The following APPL2 variants were observed in gnomAD, a reference collection of about 807,000 sequenced individuals.
APPL2 encodes adaptor protein, phosphotyrosine interacting with PH domain and leucine zipper 2.
In APPL2, 84 loss-of-function variants were observed where a neutral mutation model predicts 92.7. The observed-to-expected ratio is 0.91, with a 90% CI of 0.76 to 1.09. The LOEUF (loss-of-function observed/expected upper bound fraction) is 1.09, where lower values mean the gene tolerates loss of function less well. APPL2 is among the 50% of genes least tolerant of loss of function. The pLI is 0.00. For synonymous variants in APPL2, 291 were observed against 291.0 expected (o/e 1.00, Z 0.00); for missense variants, 736 against 824.5 (o/e 0.89, Z 1.31).
intron 11 of APPL2, 80 bp downstream of exon 11, chr12:105,197,685 T>C (rs1887781260): frequency 8.4e-6 from 13 of 1,544,748 alleles, no homozygotes; most frequent in East Asian, 2.3e-5. Flanking sequence ...GGCTGGCACA[T>C]AGGAATGAAC....
chr12:105,203,347 C>A, intron 9 of APPL2: 1 of 231,904 alleles, frequency 4.3e-6, no homozygotes. Context: ...TAAATTAATG[C>A]ACTGGTCAGA....
Position 105,189,973 on chromosome 12 carries a change from A to T in APPL2, c.1406+18T>A. 1.9e-6 allele frequency: 3 copies of T among 1,612,750 alleles called. No individual in the cohort carries two copies. Among genetic ancestry groups the T allele is most frequent in the Non-Finnish European group, 2.5e-6 (3 of 1,178,900 alleles). ...TTTACTTTCAGTTCTCCCAGAGATA[A>T]CCTCTCTCAGCCCATACCTGCTCCC... On this transcript the variant is annotated intron_variant, in intron 15 of 20. Transcript: ENST00000258530.
intron 14 of APPL2, among the ~76,000 whole-genome samples, chr12:105,191,656 T>TGTTAA (rs1235234831): frequency 6.6e-6 from 1 of 152,158 alleles, no homozygotes; most frequent in Non-Finnish European, 1.5e-5. Context: ...AGTGACATGA[T>TGTTAA]GTTAAGTTTC....
At chr12:105,227,219 C>T (rs1890578296) in intron 2 of APPL2, among the ~76,000 whole-genome samples, 1 of 151,942 alleles carries the variant, frequency 6.6e-6, no homozygotes, top group South Asian at 2.1e-4. Flanking sequence ...CTAGGCTGGT[C>T]TCAAACTCCT....
intron 6 of APPL2, 32 bp downstream of exon 6, chr12:105,208,126 A>C (rs1360959836): frequency 1.2e-6 from 2 of 1,614,044 alleles, no homozygotes; most frequent in South Asian, 1.1e-5. Flanking sequence ...AAGCCCACAC[A>C]CCCACACACC....
chr12:105,187,450 G>T (rs1289545510), intron 17 of APPL2, among the ~76,000 whole-genome samples: 1 of 152,102 alleles, frequency 6.6e-6, no homozygotes, highest in East Asian at 1.9e-4. Context: ...AAAAACTGAG[G>T]TACAGAGGCT....
intron 17 of APPL2, among the ~76,000 whole-genome samples, chr12:105,182,848 G>T (rs1886239525): frequency 6.6e-6 from 1 of 152,120 alleles, no homozygotes. Context: ...TATTGACAGT[G>T]GGGTGCTAAA....
At chr12:105,211,355 C>CATT (rs778993805) in intron 4 of APPL2, 38 bp from the exon 5 acceptor site, 32 of 1,398,586 alleles carry the variant, frequency 2.3e-5, no homozygotes, top group Non-Finnish European at 3.2e-5. Context: ...AAATTAAATA[C>CATT]ATTATTATTA....
intron 2 of APPL2, among the ~76,000 whole-genome samples, chr12:105,225,632 C>T (rs544843973): frequency 2.9e-4 from 44 of 152,302 alleles, no homozygotes; most frequent in Admixed American, 8.5e-4. Context: ...TGTTAATGCA[C>T]TGGAAAGGTA....
chr12:105,215,134 CA>C (rs1889571854), intron 4 of APPL2, among the ~76,000 whole-genome samples: 2 of 152,158 alleles, frequency 1.3e-5, no homozygotes, highest in Non-Finnish European at 2.9e-5. Context: ...AATCAAATCC[CA>C]GGGGGATGTT....
intron 17 of APPL2, among the ~76,000 whole-genome samples, chr12:105,181,073 A>T (rs1454113331): frequency 6.6e-6 from 1 of 152,192 alleles, no homozygotes; most frequent in Admixed American, 6.5e-5. Flanking sequence ...GTTTTTGCCC[A>T]TTCAGTATGA....
chr12:105,208,746 T>A (rs1353207856), intron 5 of APPL2, among the ~76,000 whole-genome samples: 1 of 152,040 alleles, frequency 6.6e-6, no homozygotes, highest in Admixed American at 6.6e-5. Flanking sequence ...TTACTCCGAG[T>A]GAGTGCCACA....
intron 2 of APPL2, among the ~76,000 whole-genome samples, chr12:105,222,763 T>C (rs928271427): frequency 4.6e-5 from 7 of 152,276 alleles, no homozygotes; most frequent in South Asian, 4.1e-4. Flanking sequence ...AACCCCGTCA[T>C]TATGTCTTAA....
intron 8 of APPL2, among the ~76,000 whole-genome samples, chr12:105,204,426 C>T (rs143809644): frequency 6.4e-4 from 97 of 152,232 alleles, no homozygotes; most frequent in African/African-American, 2.2e-3. Context: ...ATAGTTCTGA[C>T]GGCTTTGCAT....
Position 105,193,260 on chromosome 12 carries a change from T to C in APPL2, c.1241+2001A>G, listed in dbSNP as rs146012166. 9.7e-4 allele frequency among the ~76,000 whole-genome samples: 147 copies of C among 152,320 alleles called. 2 individuals are homozygous for C. The highest frequency in any genetic ancestry group is 3.4e-3 in the African/African-American group (143 of 41,572). On this transcript the variant is annotated intron_variant, in intron 14 of 20. Coordinates refer to ENST00000258530, the MANE Select transcript of APPL2 (RefSeq NM_018171.5). The stretch of plus-strand genomic sequence containing the variant: ...CTGCAAATTGTCTTTTTAGGAAACG[T>C]ATCACACCTTCTAATTCCAAACCCC...
chr12:105,208,318 C>G (rs1231829188), intron 5 of APPL2, 119 bp from the exon 6 acceptor site: 2 of 1,201,640 alleles, frequency 1.7e-6, no homozygotes, highest in Admixed American at 4.0e-5. Flanking sequence ...CCTGCACCCT[C>G]AGTCCCTGGC....
intron 8 of APPL2, among the ~76,000 whole-genome samples, chr12:105,204,391 G>A (rs534763424): frequency 1.3e-5 from 2 of 152,276 alleles, no homozygotes; most frequent in African/African-American, 2.4e-5. Context: ...CTCTGACCCT[G>A]AAGAGGCTAG....
At chr12:105,219,077 TG>T (rs1457541661) in intron 2 of APPL2, among the ~76,000 whole-genome samples, 1 of 152,248 alleles carries the variant, frequency 6.6e-6, no homozygotes, top group Non-Finnish European at 1.5e-5. Context: ...GGGTCTGACA[TG>T]GCACAGATGA....
chr12:105,192,467 C>G (rs371793583), intron 14 of APPL2, among the ~76,000 whole-genome samples: 1 of 151,518 alleles, frequency 6.6e-6, no homozygotes, highest in African/African-American at 2.4e-5. Context: ...CCTCCCTCCC[C>G]ACCCGCCCTC....
Sources: gnomAD v4.1 joint callset for allele counts (sites outside exome capture counted in the v4.1 genomes callset) on GRCh38, gnomAD v4.1.1 for gene constraint, MANE v1.5 for transcripts, NCBI Gene and HGNC (gene_info 2026-07-23, HGNC 2026-07-21) for gene names.